Variants in LYST observed in about 807,000 individuals in gnomAD.
LYST encodes lysosomal trafficking regulator, also known as lysosomal-trafficking regulator.
A neutral mutation model predicts 413.6 loss-of-function variants in LYST; 192 were observed. The observed-to-expected ratio is 0.46, with a 90% CI of 0.41 to 0.52. The LOEUF (loss-of-function observed/expected upper bound fraction) is 0.52, where lower values mean the gene tolerates loss of function less well. LYST is among the 20% of genes least tolerant of loss of function. The pLI is 0.00. For missense variants in LYST, 3,815 were observed against 4,499.9 expected, an observed-to-expected ratio of 0.85 and a Z score of 4.35; for synonymous variants, 1,525 against 1,567.3, an observed-to-expected ratio of 0.97 and a Z score of 0.64.
intron 10 of LYST, among the ~76,000 whole-genome samples, chr1:235,799,812 C>T (rs1671996129): frequency 6.6e-6 from 1 of 151,834 alleles, no homozygotes; most frequent in African/African-American, 2.4e-5. Flanking sequence ...CTAGATTTTC[C>T]TCTCTATAAA....
intron 22 of LYST, among the ~76,000 whole-genome samples, chr1:235,760,838 A>C (rs1667508303): frequency 6.6e-6 from 1 of 152,256 alleles, no homozygotes; most frequent in Non-Finnish European, 1.5e-5. Context: ...TAGAGGGCTA[A>C]AGTTGCCAAA....
At chr1:235,692,277 G>A (rs921740793) in intron 47 of LYST, among the ~76,000 whole-genome samples, 5 of 151,728 alleles carry the variant, frequency 3.3e-5, no homozygotes, top group Non-Finnish European at 7.4e-5. Flanking sequence ...AGGTTGCAGT[G>A]GGCACAGATC....
rs1571941694 is a variant in LYST, at chr1:235,661,884, G to A, written c.*1056C>T. 1 of 152,520 alleles carries A rather than the reference G, an allele frequency of 6.6e-6. No individual in the cohort carries two copies. Among genetic ancestry groups the A allele is most frequent in the African/African-American group, 2.4e-5 (1 of 41,438 alleles). 9.4% of individuals were successfully genotyped at this position (152,520 alleles called of 1,614,324 possible). On this transcript the variant is annotated 3_prime_UTR_variant, in exon 53 of 53. Transcript: ENST00000389793. ...CTTTATGGTATGTAAGTTTGCTGTG[G>A]AATACACGAGATTTTATTATTCTTC...
chr1:235,718,553 C>A (rs961682132), intron 40 of LYST, among the ~76,000 whole-genome samples: 2 of 152,062 alleles, frequency 1.3e-5, no homozygotes, highest in Non-Finnish European at 2.9e-5. Context: ...TGAGCCACTG[C>A]GCCCAGCTTA....
At chr1:235,756,571 CA>C (rs1667070145) in intron 24 of LYST, among the ~76,000 whole-genome samples, 1 of 152,012 alleles carries the variant, frequency 6.6e-6, no homozygotes, top group Non-Finnish European at 1.5e-5. Flanking sequence ...TACATCCAAG[CA>C]AACTAAAGAA....
intron 30 of LYST, among the ~76,000 whole-genome samples, chr1:235,742,855 T>C (rs188314365): frequency 1.9e-4 from 29 of 152,102 alleles, no homozygotes; most frequent in African/African-American, 7.0e-4. Flanking sequence ...CAGTCAACCA[T>C]GGTCTGAAAA....
chr1:235,693,310 G>A (rs773678943), intron 47 of LYST, 40 bp downstream of exon 47: 77 of 1,466,370 alleles, frequency 5.3e-5, no homozygotes, highest in East Asian at 1.4e-4. Context: ...GTGAGACTCC[G>A]TCTTAAAAAT....
intron 46 of LYST, among the ~76,000 whole-genome samples, chr1:235,694,324 T>G (rs763905241): frequency 6.6e-6 from 1 of 152,126 alleles, no homozygotes; most frequent in Non-Finnish European, 1.5e-5. Flanking sequence ...CCTCTCTCTT[T>G]TTTACAACAT....
chr1:235,817,578 C>T (rs572633739), intron 3 of LYST, among the ~76,000 whole-genome samples: 1 of 152,064 alleles, frequency 6.6e-6, no homozygotes, highest in Non-Finnish European at 1.5e-5. Context: ...TATGGATGGA[C>T]GCTGAGGTCA....
intron 3 of LYST, 116 bp downstream of exon 3, chr1:235,830,110 G>A: frequency 1.3e-6 from 1 of 745,618 alleles, no homozygotes; most frequent in South Asian, 1.6e-5. Context: ...GTGGAATAAT[G>A]TGAAAGACTG....
chr1:235,788,874 G>A (rs763252439), intron 12 of LYST, 29 bp from the exon 13 acceptor site: 1 of 1,608,902 alleles, frequency 6.2e-7, no homozygotes, highest in Admixed American at 1.7e-5. Context: ...AGAATGATCA[G>A]TAAAATGGTT....
intron 45 of LYST, among the ~76,000 whole-genome samples, chr1:235,698,609 A>T (rs372323232): frequency 4.6e-5 from 7 of 152,110 alleles, no homozygotes; most frequent in Non-Finnish European, 7.4e-5. Flanking sequence ...CGGTGGCTCA[A>T]GCCTGTAATC....
intron 50 of LYST, among the ~76,000 whole-genome samples, chr1:235,673,035 C>G (rs908568598): frequency 2.0e-5 from 3 of 152,078 alleles, no homozygotes; most frequent in African/African-American, 4.8e-5. Flanking sequence ...AAAGCTCGAG[C>G]CCATCTGGGA....
chr1:235,879,148 G>T (rs529511767), intron 1 of LYST, among the ~76,000 whole-genome samples: 1 of 152,166 alleles, frequency 6.6e-6, no homozygotes, highest in African/African-American at 2.4e-5. Flanking sequence ...TGGGATTACA[G>T]GTGTGAACCA....
chr1:235,869,505 T>TA (rs1394691754), upstream of LYST, among the ~76,000 whole-genome samples: 1 of 152,158 alleles, frequency 6.6e-6, no homozygotes, highest in Non-Finnish European at 1.5e-5. Flanking sequence ...AAGCTCTACT[T>TA]ACGCATGTAT....
In LYST at chr1:235,755,667, C is replaced by T. The variant is rs1666973785; in HGVS notation, c.7060-20G>A. The T allele has an allele frequency of 7.3e-7, 1 of 1,361,794 alleles. No homozygotes were observed. Among genetic ancestry groups the T allele is most frequent in the Non-Finnish European group, 1.1e-6 (1 of 951,736 alleles). 84.4% of individuals were successfully genotyped at this position (1,361,794 alleles called of 1,614,324 possible). A position where few individuals can be genotyped will look rare whatever the true frequency, so the allele number is the denominator to read the frequency against. ...TAATAGCTAAACAAAAAATTTAAGTCAATTTAGATAATGCATTAAAATTAA... is the reference window on the plus strand; with the variant it reads ...TAATAGCTAAACAAAAAATTTAAGTTAATTTAGATAATGCATTAAAATTAA... On this transcript the variant is annotated intron_variant, in intron 24 of 52. Coordinates refer to ENST00000389793, the MANE Select transcript of LYST (RefSeq NM_000081.4).
chr1:235,701,749 TA>T (rs1181036263), intron 45 of LYST, among the ~76,000 whole-genome samples: 1 of 152,252 alleles, frequency 6.6e-6, no homozygotes, highest in Non-Finnish European at 1.5e-5. Flanking sequence ...TATAGTTTTC[TA>T]TTATGAAACT....
chr1:235,878,469 A>G (rs1572514864), intron 1 of LYST, among the ~76,000 whole-genome samples: 2 of 152,172 alleles, frequency 1.3e-5, no homozygotes, highest in African/African-American at 4.8e-5. Flanking sequence ...AGATACTAGC[A>G]ACCTGAAGTA....
In LYST at chr1:235,781,055, C is replaced by G; in HGVS notation, c.5024G>C (p.Gly1675Ala). 2 of 1,599,542 alleles carry G rather than the reference C, an allele frequency of 1.3e-6. No individual in the cohort carries two copies. Among genetic ancestry groups the G allele is most frequent in the Non-Finnish European group, 1.7e-6 (2 of 1,168,042 alleles). ...GGCCTCTTGTGAACCAACCTTAGCT[C>G]CTGAATAGCAGAAAAATAAAGTTAG... ...WDLGNLLLFN[G>A]AKVGSQEAFY... The change falls in exon 16 of 53, where the codon GGA becomes GCA. Residue 1675 changes from glycine to alanine, a missense_variant and splice_region_variant. Physicochemically the swap from Gly to Ala is moderately conservative, Grantham distance 60 (BLOSUM62 0). Coordinates refer to ENST00000389793, the MANE Select transcript of LYST (RefSeq NM_000081.4).
Sources: gnomAD v4.1 joint callset for allele counts (sites outside exome capture counted in the v4.1 genomes callset) on GRCh38, gnomAD v4.1.1 for gene constraint, MANE v1.5 for transcripts, NCBI Gene and HGNC (gene_info 2026-07-23, HGNC 2026-07-21) for gene names.